TMTC1: variants seen among roughly 807,000 people sequenced by gnomAD.
TMTC1 encodes the protein transmembrane O-mannosyltransferase targeting cadherins 1, also known as protein O-mannosyl-transferase TMTC1.
TMTC1 carries 73 observed loss-of-function variants against 104.8 expected under a neutral mutation model. That is an observed-to-expected ratio of 0.70 (90% CI 0.58 to 0.85). The LOEUF (loss-of-function observed/expected upper bound fraction) is 0.85, where lower values mean the gene tolerates loss of function less well. TMTC1 is among the 40% of genes least tolerant of loss of function. The pLI is 0.00. For synonymous variants in TMTC1, 434 were observed against 428.7 expected, an observed-to-expected ratio of 1.01 and a Z score of -0.15; for missense variants, 1,035 against 1,096.1, an observed-to-expected ratio of 0.94 and a Z score of 0.79.
At chr12:29,595,310 C>A (rs1245726065) in intron 7 of TMTC1, among the ~76,000 whole-genome samples, 1 of 152,212 alleles carries the variant, frequency 6.6e-6, no homozygotes, top group African/African-American at 2.4e-5. Flanking sequence ...CTGAGCACAA[C>A]ACATTGGCCA....
At chr12:29,612,803 C>T (rs1000659535) in intron 6 of TMTC1, among the ~76,000 whole-genome samples, 1 of 152,164 alleles carries the variant, frequency 6.6e-6, no homozygotes, top group African/African-American at 2.4e-5. Flanking sequence ...ATTTATTTGA[C>T]TGATCTTAGT....
intron 10 of TMTC1, among the ~76,000 whole-genome samples, chr12:29,553,475 G>C (rs1945158445): frequency 6.6e-6 from 1 of 152,188 alleles, no homozygotes; most frequent in Non-Finnish European, 1.5e-5. Flanking sequence ...CAGGCAAGAG[G>C]AGGTAAACAA....
At chr12:29,579,433 T>G (rs996672260) in intron 8 of TMTC1, among the ~76,000 whole-genome samples, 5 of 152,196 alleles carry the variant, frequency 3.3e-5, no homozygotes, top group African/African-American at 1.2e-4. Context: ...CTGGGAGGTA[T>G]TCTAAATTCT....
intron 6 of TMTC1, among the ~76,000 whole-genome samples, chr12:29,617,561 AGAGAGAGAT>A (rs1436499605): frequency 6.6e-6 from 1 of 151,830 alleles, no homozygotes; most frequent in African/African-American, 2.4e-5. Flanking sequence ...AGAGAGAGAG[AGAGAGAGAT>A]AAAAACCCTG....
At chr12:29,551,784 C>T (rs1458301455) in intron 10 of TMTC1, among the ~76,000 whole-genome samples, 1 of 139,486 alleles carries the variant, frequency 7.2e-6, no homozygotes, top group African/African-American at 3.1e-5. Flanking sequence ...TATTTTCTTT[C>T]TTCTTTTTTT....
intron 5 of TMTC1, among the ~76,000 whole-genome samples, chr12:29,743,455 C>T (rs1193857315): frequency 6.6e-6 from 1 of 152,072 alleles, no homozygotes; most frequent in African/African-American, 2.4e-5. Context: ...CAAATCATTT[C>T]CACTTCTAAA....
At chr12:29,669,060 C>T (rs969086866) in intron 5 of TMTC1, among the ~76,000 whole-genome samples, 2 of 152,034 alleles carry the variant, frequency 1.3e-5, no homozygotes, top group South Asian at 2.1e-4. Context: ...CCAGCCTGTC[C>T]CACAGAGAGA....
intron 5 of TMTC1, among the ~76,000 whole-genome samples, chr12:29,716,080 AAG>A: frequency 6.6e-6 from 1 of 151,632 alleles, no homozygotes; most frequent in East Asian, 1.9e-4. Flanking sequence ...GTCCAGTGGC[AAG>A]ATTATAACTT....
intron 9 of TMTC1, among the ~76,000 whole-genome samples, chr12:29,564,787 G>A (rs73071533): frequency 0.12 from 18,253 of 152,058 alleles, 1,369 homozygotes; most frequent in African/African-American, 0.21. Context: ...AGACAGGCTC[G>A]GTTGTTTGTT....
intron 10 of TMTC1, among the ~76,000 whole-genome samples, chr12:29,556,423 T>C (rs935047957): frequency 1.3e-5 from 2 of 152,230 alleles, no homozygotes; most frequent in African/African-American, 4.8e-5. Context: ...TATTATGGAA[T>C]ATTTGTCTTT....
chr12:29,745,985 C>G (rs1300337221), intron 5 of TMTC1, among the ~76,000 whole-genome samples: 1 of 152,134 alleles, frequency 6.6e-6, no homozygotes, highest in African/African-American at 2.4e-5. Context: ...CTTATTTATA[C>G]ACAAAGCAAG....
rs369506055 is a variant in TMTC1, at chr12:29,649,076, TC to T, written c.939-15741del. Among the ~76,000 whole-genome samples, 531 of 152,192 alleles carry T rather than the reference TC, an allele frequency of 3.5e-3. 4 individuals are homozygous for T. The highest frequency in any genetic ancestry group is 0.012 in the African/African-American group (514 of 41,516). On this transcript the variant is annotated intron_variant, in intron 5 of 17. Coordinates refer to ENST00000539277, the MANE Select transcript of TMTC1 (RefSeq NM_001193451.2). ...TGGTTTTATCTTTTTCATTCTAGAT[TC>T]CCACTCCAACCCCACCACTCTCCCC... is the stretch of plus-strand genomic sequence containing the variant.
At chr12:29,598,241 A>G (rs1565698375) in intron 7 of TMTC1, among the ~76,000 whole-genome samples, 2 of 152,248 alleles carry the variant, frequency 1.3e-5, no homozygotes, top group Non-Finnish European at 2.9e-5. Flanking sequence ...CTCTTCTAGC[A>G]ACTCCAAAGA....
At chr12:29,689,458 C>T (rs1276414440) in intron 5 of TMTC1, among the ~76,000 whole-genome samples, 19 of 152,122 alleles carry the variant, frequency 1.2e-4, no homozygotes, top group African/African-American at 3.4e-4. Context: ...GGACTACAGG[C>T]GTGCGCCACC....
In TMTC1 at chr12:29,783,267, A is replaced by G. The variant is rs1024063710; in HGVS notation, c.302+183T>C. Among the ~76,000 whole-genome samples the G allele has an allele frequency of 6.6e-6, 1 of 152,172 alleles. No homozygotes were observed. Among genetic ancestry groups the G allele is most frequent in the African/African-American group, 2.4e-5 (1 of 41,442 alleles). ...GCCTCCCGAACCGCCCCGAGAGCCC[A>G]GATTAGCCGGGCAGTGGATCCCGGA... On this transcript the variant is annotated intron_variant, in intron 1 of 17. Coordinates refer to ENST00000539277, the MANE Select transcript of TMTC1 (RefSeq NM_001193451.2). The surrounding 1 kb of genome is among the most constrained non-coding windows in gnomAD (Gnocchi z 4.7).
chr12:29,745,308 C>T (rs539370990), intron 5 of TMTC1, among the ~76,000 whole-genome samples: 5 of 152,130 alleles, frequency 3.3e-5, no homozygotes, highest in South Asian at 2.1e-4. Context: ...TTAGCAAAAA[C>T]GATGGTCAAT....
intron 5 of TMTC1, among the ~76,000 whole-genome samples, chr12:29,712,006 CAAAAAAAAAAA>C (rs34419655): frequency 1.1e-4 from 5 of 43,940 alleles, no homozygotes; most frequent in Admixed American, 4.2e-4. Context: ...GACTCCATCT[CAAAAAAAAAAA>C]AAAAAAAAAA....
intron 5 of TMTC1, among the ~76,000 whole-genome samples, chr12:29,740,690 G>A (rs1942802314): frequency 6.6e-6 from 1 of 152,054 alleles, no homozygotes; most frequent in African/African-American, 2.4e-5. Flanking sequence ...ATGTTGCCAG[G>A]CCTTGAACTC....
At chr12:29,551,208 G>A (rs908289714) in intron 10 of TMTC1, among the ~76,000 whole-genome samples, 30 of 152,112 alleles carry the variant, frequency 2.0e-4, no homozygotes, top group Non-Finnish European at 4.4e-5. Flanking sequence ...TATCCATGTG[G>A]CTGGCATTGT....
Sources: gnomAD v4.1 joint callset for allele counts (sites outside exome capture counted in the v4.1 genomes callset) on GRCh38, gnomAD v4.1.1 for gene constraint, Gnocchi (gnomAD v3.1) non-coding constraint, MANE v1.5 for transcripts, NCBI Gene and HGNC (gene_info 2026-07-23, HGNC 2026-07-21) for gene names.